BCL2: variants seen among roughly 807,000 people sequenced by gnomAD.
The protein encoded by BCL2 is apoptosis regulator Bcl-2.
Under a neutral mutation model 14.2 loss-of-function variants are expected in BCL2, and 1 was observed. That is an observed-to-expected ratio of 0.07 (90% CI 0.02 to 0.33). The LOEUF is 0.33. Among genes scored for constraint, BCL2 ranks in the 10% least tolerant of loss-of-function variants. The probability of loss-of-function intolerance (pLI) is 0.99; values close to 1 mark genes in which losing one functional copy is unlikely to be tolerated. For missense variants in BCL2, 247 were observed against 305.9 expected (o/e 0.81, Z 1.44); for synonymous variants, 151 against 137.2 (o/e 1.10, Z -0.70).
rs201368934 is a variant in BCL2, at chr18:63,177,217, A to G, written c.586-48458T>C. Among the ~76,000 whole-genome samples the G allele has an allele frequency of 2.6e-5, 4 of 152,180 alleles. No homozygotes were observed. The East Asian group carries it at 7.7e-4, about 29-fold the overall frequency. ...TGCCAACATTTTTCAAAAGTAAAAA[A>G]TAAATTAAAAAAAAAGTCTTTAGTG... On this transcript the variant is annotated intron_variant, in intron 2 of 2. Coordinates refer to ENST00000333681, the MANE Select transcript of BCL2 (RefSeq NM_000633.3).
intron 2 of BCL2, among the ~76,000 whole-genome samples, chr18:63,233,798 T>C (rs1373906824): frequency 7.2e-5 from 11 of 152,134 alleles, no homozygotes; most frequent in Admixed American, 7.2e-4. Context: ...GTGCAACTTC[T>C]AAAGAGTGTT....
intron 2 of BCL2, among the ~76,000 whole-genome samples, chr18:63,257,017 T>C (rs952236139): frequency 6.6e-6 from 1 of 152,268 alleles, no homozygotes; most frequent in African/African-American, 2.4e-5. Flanking sequence ...TTGTGTAACT[T>C]ATTCCAAGGT....
chr18:63,248,528 C>G (rs1013692770), intron 2 of BCL2, among the ~76,000 whole-genome samples: 1 of 152,182 alleles, frequency 6.6e-6, no homozygotes, highest in Non-Finnish European at 1.5e-5. Flanking sequence ...CTGAATGAAA[C>G]TTCCCATTGG....
chr18:63,247,786 T>G (rs962370417), intron 2 of BCL2, among the ~76,000 whole-genome samples: 1 of 152,096 alleles, frequency 6.6e-6, no homozygotes, highest in African/African-American at 2.4e-5. Flanking sequence ...TCACGTCACA[T>G]CAATGTTTAA....
chr18:63,152,086 C>T (rs1352123491), intron 2 of BCL2, among the ~76,000 whole-genome samples: 1 of 152,180 alleles, frequency 6.6e-6, no homozygotes, highest in Non-Finnish European at 1.5e-5. Flanking sequence ...AGACCCTGAT[C>T]AAAACAGAGG....
Position 63,318,904 on chromosome 18 carries a change from CGTTATTATTA to C in BCL2, c.-248_-239del. ...TTTCGGATCTTTATTTCATGAGGCA[CGTTATTATTA>C]GTAAGTATTGTTAATATCAGTCTAC... On this transcript the variant is annotated 5_prime_UTR_variant, in exon 2 of 3. Coordinates refer to ENST00000333681, the MANE Select transcript of BCL2 (RefSeq NM_000633.3). The surrounding 1 kb of genome is among the most constrained non-coding windows in gnomAD (Gnocchi z 7.4). The C allele has an allele frequency of 7.1e-7, 1 of 1,403,412 alleles. No individual in the cohort carries two copies. The highest frequency in any genetic ancestry group is 9.3e-7 in the Non-Finnish European group (1 of 1,074,582). The allele number at this position is 1,403,412 out of a possible 1,614,324, so 86.9% of individuals were successfully genotyped here.
chr18:63,183,366 G>A (rs748262777), intron 2 of BCL2, among the ~76,000 whole-genome samples: 2 of 152,172 alleles, frequency 1.3e-5, no homozygotes, highest in African/African-American at 2.4e-5. Flanking sequence ...TTGGTGTTGT[G>A]GCTCACATCA....
At chr18:63,290,546 G>C (rs952389749) in intron 2 of BCL2, among the ~76,000 whole-genome samples, 1 of 152,162 alleles carries the variant, frequency 6.6e-6, no homozygotes, top group African/African-American at 2.4e-5. Flanking sequence ...TCGAGCTAAA[G>C]AAAACACCTT....
chr18:63,136,516 G>T (rs1283629279), intron 2 of BCL2, among the ~76,000 whole-genome samples: 1 of 152,224 alleles, frequency 6.6e-6, no homozygotes, highest in African/African-American at 2.4e-5. Context: ...CTAAGACAAA[G>T]ATTTGAGTGC....
chr18:63,189,060 C>T (rs914822736), intron 2 of BCL2, among the ~76,000 whole-genome samples: 9 of 146,090 alleles, frequency 6.2e-5, no homozygotes, highest in African/African-American at 2.3e-4. Context: ...CATCCTTACA[C>T]ATAGGTAGAA....
chr18:63,191,553 A>T (rs924376761), intron 2 of BCL2, among the ~76,000 whole-genome samples: 3 of 152,238 alleles, frequency 2.0e-5, no homozygotes. Context: ...ATGAAAAAAC[A>T]CTTTGTGTGT....
At chr18:63,288,942 C>T (rs1282716084) in intron 2 of BCL2, among the ~76,000 whole-genome samples, 1 of 152,110 alleles carries the variant, frequency 6.6e-6, no homozygotes, top group East Asian at 1.9e-4. Context: ...ACATGCGTAG[C>T]ACAGTGCCTG....
intron 2 of BCL2, among the ~76,000 whole-genome samples, chr18:63,203,966 A>C (rs1356783685): frequency 6.6e-6 from 1 of 152,180 alleles, no homozygotes; most frequent in Non-Finnish European, 1.5e-5. Flanking sequence ...TTCCTATCTA[A>C]AGTCTTTTCA....
intron 2 of BCL2, among the ~76,000 whole-genome samples, chr18:63,250,205 T>A (rs1034485998): frequency 6.6e-6 from 1 of 152,256 alleles, no homozygotes; most frequent in African/African-American, 2.4e-5. Flanking sequence ...AGTTGGTGGC[T>A]GCAACTACTA....
chr18:63,319,913 C>G (rs553589957), upstream of BCL2: 324 of 171,398 alleles, frequency 1.9e-3, 1 homozygote, highest in African/African-American at 7.4e-3. Flanking sequence ...CACCCTTTCT[C>G]CTCCTCCTGG....
Position 63,128,560 on chromosome 18 carries a change from A to G in BCL2, c.*65T>C. On this transcript the variant is annotated 3_prime_UTR_variant, in exon 3 of 3. Transcript: ENST00000333681. The stretch of plus-strand genomic sequence containing the variant: ...TTTGTTTCATGGTACATCACTGACA[A>G]TGCATATTATTTCTACTGCTTTAGT... The G allele has an allele frequency of 1.3e-6, 1 of 759,592 alleles. No individual in the cohort carries two copies. Among genetic ancestry groups the G allele is most frequent in the South Asian group, 1.4e-5 (1 of 71,726 alleles). 47.1% of individuals were successfully genotyped at this position (759,592 alleles called of 1,614,324 possible). A position where few individuals can be genotyped will look rare whatever the true frequency, so the allele number is the denominator to read the frequency against.
At chr18:63,241,224 C>T (rs4987760) in intron 2 of BCL2, among the ~76,000 whole-genome samples, 2,205 of 152,302 alleles carry the variant, frequency 0.014, 50 homozygotes, top group African/African-American at 0.049. Flanking sequence ...ATATTCTTTA[C>T]GCTTTTACAT....
chr18:63,134,755 G>A (rs932594738), intron 2 of BCL2, among the ~76,000 whole-genome samples: 1 of 152,180 alleles, frequency 6.6e-6, no homozygotes, highest in Admixed American at 6.5e-5. Flanking sequence ...AATGGGTGCC[G>A]CCATTTTGTT....
chr18:63,147,561 C>T (rs1914544109), intron 2 of BCL2, among the ~76,000 whole-genome samples: 1 of 152,166 alleles, frequency 6.6e-6, no homozygotes, highest in African/African-American at 2.4e-5. Context: ...TCAAAAGAAA[C>T]ACAAGCCAAA....
Sources: gnomAD v4.1 joint callset for allele counts (sites outside exome capture counted in the v4.1 genomes callset) on GRCh38, gnomAD v4.1.1 for gene constraint, Gnocchi (gnomAD v3.1) non-coding constraint, MANE v1.5 for transcripts, NCBI Gene and HGNC (gene_info 2026-07-23, HGNC 2026-07-21) for gene names.